Variants in SLIT3 observed in about 807,000 individuals in gnomAD.
SLIT3 encodes slit guidance ligand 3, also known as slit homolog 3 protein.
A neutral mutation model predicts 184.0 loss-of-function variants in SLIT3; 68 were observed. The ratio of observed to expected loss-of-function variants is 0.37; its 90% CI spans 0.30 to 0.45. The LOEUF is 0.45. Ranked by LOEUF, SLIT3 falls within the 20% of genes least tolerant of loss-of-function variation. The pLI, the probability that SLIT3 is intolerant of heterozygous loss-of-function variation, is 1.00. For synonymous variants in SLIT3, 831 were observed against 828.6 expected (o/e 1.00, Z -0.05); for missense variants, 1,707 against 2,026.0 (o/e 0.84, Z 3.02).
At position 169,163,236 on chromosome 5, in the gene SLIT3, G is replaced by A. The variant is rs559176691; in HGVS notation, c.413+30243C>T. ...CTCAGGAGGCTGAGGCAGGAGAATC[G>A]CTTGAACCTGGGAGGCGGAGGTTGC... is the stretch of plus-strand genomic sequence containing the variant. On this transcript the variant is annotated intron_variant, in intron 4 of 35. Transcript: ENST00000519560. 1.1e-3 allele frequency among the ~76,000 whole-genome samples: 172 copies of A among 152,190 alleles called. 1 individual carries two copies. The highest frequency in any genetic ancestry group is 4.1e-3 in the African/African-American group (169 of 41,528).
At chr5:168,838,155 T>C (rs1172387576) in intron 6 of SLIT3, among the ~76,000 whole-genome samples, 3 of 152,322 alleles carry the variant, frequency 2.0e-5, no homozygotes, top group African/African-American at 7.2e-5. Flanking sequence ...GTAGGTGCTT[T>C]TAATTTTAAT....
chr5:168,991,081 C>T (rs1355299405), intron 4 of SLIT3, among the ~76,000 whole-genome samples: 3 of 152,112 alleles, frequency 2.0e-5, no homozygotes, highest in Admixed American at 6.5e-5. Flanking sequence ...CAACTGGCAC[C>T]GCTGGGAGGT....
chr5:168,836,616 C>A (rs1421694148), intron 6 of SLIT3, among the ~76,000 whole-genome samples: 2 of 152,140 alleles, frequency 1.3e-5, no homozygotes, highest in African/African-American at 2.4e-5. Flanking sequence ...TGCTCCCAAA[C>A]CAAGTTTGTC....
chr5:169,196,728 C>CT (rs968435383), intron 3 of SLIT3, among the ~76,000 whole-genome samples: 1 of 152,138 alleles, frequency 6.6e-6, no homozygotes, highest in African/African-American at 2.4e-5. Flanking sequence ...TACTCAAAGC[C>CT]TTTCAATAAA....
At chr5:168,922,474 A>AAG (rs1411521706) in intron 4 of SLIT3, among the ~76,000 whole-genome samples, 3 of 151,576 alleles carry the variant, frequency 2.0e-5, no homozygotes, top group Non-Finnish European at 4.4e-5. Context: ...AAAAAAAAAA[A>AAG]AAGAAGTGGA....
At chr5:168,769,294 C>T (rs1053926590) in intron 14 of SLIT3, among the ~76,000 whole-genome samples, 1 of 152,146 alleles carries the variant, frequency 6.6e-6, no homozygotes, top group Admixed American at 6.5e-5. Flanking sequence ...GGACTTCCTC[C>T]CACTTGGCAT....
chr5:168,745,614 G>A (rs1763774128), intron 20 of SLIT3, among the ~76,000 whole-genome samples: 1 of 152,198 alleles, frequency 6.6e-6, no homozygotes, highest in Non-Finnish European at 1.5e-5. Context: ...GTTTCACCAT[G>A]TTGGCCAGGC....
intron 4 of SLIT3, among the ~76,000 whole-genome samples, chr5:169,016,155 C>A (rs1391330085): frequency 6.6e-6 from 1 of 152,172 alleles, no homozygotes; most frequent in Non-Finnish European, 1.5e-5. Flanking sequence ...AGCTATTTTT[C>A]CCACGTGCTT....
intron 4 of SLIT3, among the ~76,000 whole-genome samples, chr5:169,003,141 T>C (rs139223710): frequency 1.7e-4 from 26 of 152,368 alleles, no homozygotes; most frequent in African/African-American, 5.8e-4. Flanking sequence ...AGTATGTATC[T>C]ACATATGTAT....
chr5:169,123,356 A>G (rs180893222), intron 4 of SLIT3, among the ~76,000 whole-genome samples: 1 of 152,318 alleles, frequency 6.6e-6, no homozygotes, highest in Admixed American at 6.5e-5. Context: ...TAGTTTACAC[A>G]TGGGTAACTC....
At chr5:168,931,426 G>A (rs1399490544) in intron 4 of SLIT3, among the ~76,000 whole-genome samples, 1 of 152,182 alleles carries the variant, frequency 6.6e-6, no homozygotes, top group Non-Finnish European at 1.5e-5. Flanking sequence ...CACTGTGGGA[G>A]TATCTGGGGA....
chr5:169,032,282 T>C (rs760809777), intron 4 of SLIT3, among the ~76,000 whole-genome samples: 1 of 152,218 alleles, frequency 6.6e-6, no homozygotes, highest in Non-Finnish European at 1.5e-5. Context: ...ATTTTTTTTA[T>C]CTCTGTGTCC....
rs112285018 is a variant in SLIT3 at position 169,126,860 on chromosome 5, T to G, written c.413+66619A>C. Among the ~76,000 whole-genome samples, 363 of 152,260 alleles carry G rather than the reference T, an allele frequency of 2.4e-3. 2 individuals are homozygous for G. Among genetic ancestry groups the G allele is most frequent in the African/African-American group, 8.3e-3 (347 of 41,562 alleles). ...AAACCTGATCCTTGGTTGCCCAGAT[T>G]TTTCTCTCCCACTTAACCAAATGAC... On this transcript the variant is annotated intron_variant, in intron 4 of 35. Coordinates refer to ENST00000519560, the MANE Select transcript of SLIT3 (RefSeq NM_003062.4).
rs568268481 is a variant in SLIT3, at chr5:168,664,142, A to G, written c.*2312T>C. On this transcript the variant is annotated 3_prime_UTR_variant, in exon 36 of 36. Transcript: ENST00000519560. ...ACTACATGGTTGTTTCAATAATTAA[A>G]TGAATATATATCTATTTCACAATTA... 30 of 152,358 alleles carry G rather than the reference A, an allele frequency of 2.0e-4. No homozygotes were observed. Among genetic ancestry groups the G allele is most frequent in the African/African-American group, 7.2e-4 (30 of 41,586 alleles). The allele number at this position is 152,358 out of a possible 1,614,324, so 9.4% of individuals were successfully genotyped here. A position where few individuals can be genotyped will look rare whatever the true frequency, so the allele number is the denominator to read the frequency against.
rs1167668792 is a variant in SLIT3, at chr5:169,300,710, G to A, written c.-1C>T. 2.2e-6 allele frequency: 3 copies of A among 1,361,428 alleles called. No homozygotes were observed. The highest frequency in any genetic ancestry group is 8.0e-5 in the Admixed American group (2 of 24,956). 84.3% of individuals were successfully genotyped at this position (1,361,428 alleles called of 1,614,324 possible). On this transcript the variant is annotated 5_prime_UTR_variant, in exon 1 of 36. Coordinates refer to ENST00000519560, the MANE Select transcript of SLIT3 (RefSeq NM_003062.4). This position sits in a 1 kb window ranked among gnomAD's most constrained non-coding sequence, Gnocchi z 4.1. Reference sequence around the variant, plus strand: ...CGACCCCTGCCCACCCGGGGGCCATGGTGTGCAGGGCCCCGCTCCTGGAGG... The same window carrying A: ...CGACCCCTGCCCACCCGGGGGCCATAGTGTGCAGGGCCCCGCTCCTGGAGG...
intron 4 of SLIT3, among the ~76,000 whole-genome samples, chr5:169,062,644 G>A (rs1004099043): frequency 6.6e-6 from 1 of 152,112 alleles, no homozygotes; most frequent in South Asian, 2.1e-4. Context: ...TTTACACTTT[G>A]TGGAAACTAT....
chr5:169,276,650 C>G (rs1408166962), intron 1 of SLIT3, among the ~76,000 whole-genome samples: 2 of 152,216 alleles, frequency 1.3e-5, no homozygotes, highest in East Asian at 3.8e-4. Context: ...TATTTATCAT[C>G]TTTGTGTTCC....
At chr5:169,151,370 C>T (rs1762113355) in intron 4 of SLIT3, among the ~76,000 whole-genome samples, 1 of 152,176 alleles carries the variant, frequency 6.6e-6, no homozygotes, top group African/African-American at 2.4e-5. Flanking sequence ...TGAGCTCCAT[C>T]CATAGTACCA....
intron 4 of SLIT3, among the ~76,000 whole-genome samples, chr5:169,001,275 T>C (rs1288437131): frequency 6.6e-6 from 1 of 152,186 alleles, no homozygotes; most frequent in Non-Finnish European, 1.5e-5. Flanking sequence ...GTCTGCCTTA[T>C]CCTGAGAAAA....
Sources: allele counts gnomAD v4.1 joint callset (sites outside exome capture counted in the v4.1 genomes callset), GRCh38; gene constraint gnomAD v4.1.1; non-coding constraint Gnocchi (gnomAD v3.1); transcripts MANE v1.5; gene names NCBI Gene and HGNC (gene_info 2026-07-23, HGNC 2026-07-21).